Variants in PACRGL observed in about 807,000 individuals in gnomAD.
The protein encoded by PACRGL is PACRG-like protein.
Under a neutral mutation model 34.5 loss-of-function variants are expected in PACRGL, and 38 were observed. The ratio of observed to expected loss-of-function variants is 1.10; its 90% confidence interval spans 0.85 to 1.44. The LOEUF (loss-of-function observed/expected upper bound fraction) is 1.44. Among genes scored for constraint, PACRGL ranks in the 40% most tolerant of loss-of-function variants. PACRGL has a pLI of 0.00. For synonymous variants in PACRGL, 128 were observed against 100.1 expected (o/e 1.28, Z -1.66); for missense variants, 305 against 281.4 (o/e 1.08, Z -0.60).
intron 5 of PACRGL, among the ~76,000 whole-genome samples, chr4:20,711,656 TCAAA>T (rs1378355581): frequency 6.6e-6 from 1 of 152,190 alleles, no homozygotes; most frequent in African/African-American, 2.4e-5. Context: ...AGATAATTAG[TCAAA>T]CTAAAGGAGT....
intron 8 of PACRGL, among the ~76,000 whole-genome samples, chr4:20,752,055 GTTTTT>G (rs33912651): frequency 1.6e-5 from 2 of 121,676 alleles, no homozygotes; most frequent in Non-Finnish European, 3.3e-5. Context: ...ACTTCATAGA[GTTTTT>G]TTTTTTTTTT....
chr4:20,716,415 T>C (rs1740035707), intron 7 of PACRGL, among the ~76,000 whole-genome samples: 1 of 152,196 alleles, frequency 6.6e-6, no homozygotes, highest in Non-Finnish European at 1.5e-5. Context: ...TTGTTACGTA[T>C]GTATACGTGT....
At chr4:20,749,130 C>T (rs1753085042) in intron 8 of PACRGL, among the ~76,000 whole-genome samples, 2 of 148,630 alleles carry the variant, frequency 1.3e-5, no homozygotes, top group South Asian at 4.3e-4. Context: ...TGCACTCCAG[C>T]CTTTATGACA....
chr4:20,748,533 T>A (rs1752855550), intron 8 of PACRGL, among the ~76,000 whole-genome samples: 1 of 139,882 alleles, frequency 7.1e-6, no homozygotes, highest in Non-Finnish European at 1.5e-5. Flanking sequence ...CTTCCTCACT[T>A]CCAAAAATAA....
At chr4:20,732,866 A>T, downstream of PACRGL, 2 of 837,664 alleles carry the variant, frequency 2.4e-6, no homozygotes, top group Non-Finnish European at 3.8e-6. Context: ...GATTTTTCCT[A>T]CTCAATTTTA....
the PACRGL span, among the ~76,000 whole-genome samples, chr4:20,761,926 C>T: frequency 6.6e-6 from 1 of 152,094 alleles, no homozygotes; most frequent in African/African-American, 2.4e-5. Context: ...ATACTGTATG[C>T]CTATTATTCC....
In PACRGL at chr4:20,729,256, T is replaced by G; in HGVS notation, c.*1915T>G. On this transcript the variant is annotated 3_prime_UTR_variant, in exon 9 of 9. Coordinates refer to ENST00000503585, the MANE Select transcript of PACRGL (RefSeq NM_001258345.3). Reference sequence around the variant, plus strand: ...ACTGGAGGATAGATATCCTGACCCTTTGCATATGTCTGTAAACATCCTTGT... The same window carrying G: ...ACTGGAGGATAGATATCCTGACCCTGTGCATATGTCTGTAAACATCCTTGT... The G allele has an allele frequency of 6.6e-6, 1 of 151,926 alleles. No individual in the cohort carries two copies. The highest frequency in any genetic ancestry group is 2.0e-4 in the East Asian group (1 of 5,036). 9.4% of individuals were successfully genotyped at this position (151,926 alleles called of 1,614,324 possible).
chr4:20,716,269 G>T (rs1198932946), intron 7 of PACRGL: 1 of 663,972 alleles, frequency 1.5e-6, no homozygotes. Flanking sequence ...CATAGGGCAG[G>T]GTCCATGAGA....
chr4:20,748,568 A>T (rs1290047462), intron 8 of PACRGL, among the ~76,000 whole-genome samples: 10 of 15,458 alleles, frequency 6.5e-4, no homozygotes, highest in African/African-American at 2.1e-3. Context: ...TTTTATATAT[A>T]TATATATATA....
chr4:20,730,042 G>C lies in PACRGL; in HGVS notation c.*2701G>C, dbSNP rs758991826. On this transcript the variant is annotated 3_prime_UTR_variant, in exon 9 of 9. Transcript: ENST00000503585. The stretch of plus-strand genomic sequence containing the variant: ...CTCCAACTTTAAGGGTGGTAGAATA[G>C]TTCACATTTGTCTGTTGGATTCAGG... 1.2e-5 allele frequency: 19 copies of C among 1,591,278 alleles called. No homozygotes were observed. Among genetic ancestry groups the C allele is most frequent in the Non-Finnish European group, 1.6e-5 (19 of 1,171,004 alleles).
Position 20,729,475 on chromosome 4 carries a change from TTTTTAAATGTTTAATAATTTTTAAATG to T in PACRGL, c.*2138_*2164del, listed in dbSNP as rs1747257073. 1.7e-5 allele frequency: 2 copies of T among 118,448 alleles called. No individual in the cohort carries two copies. The highest frequency in any genetic ancestry group is 3.6e-5 in the Non-Finnish European group (2 of 56,168). The allele number at this position is 118,448 out of a possible 1,614,324, so 7.3% of individuals were successfully genotyped here. On this transcript the variant is annotated 3_prime_UTR_variant, in exon 9 of 9. Transcript: ENST00000503585. ...ATGCTGATATCTGATAATAAACTAA[TTTTTAAATGTTTAATAATTTTTAAATG>T]TTTAAAAATGCCAGATAAAACTAAT...
rs181993778 is a variant in PACRGL, at chr4:20,750,859, A to G, written c.*57-1706A>G. On this transcript the variant is annotated intron_variant, in intron 8 of 8. Transcript: ENST00000507634. ...TTATCTTCTGTTTTAAATCTCATCT[A>G]TTTCTATTTTATAACTTTTAACCTT... is the stretch of plus-strand genomic sequence containing the variant. Among the ~76,000 whole-genome samples, 280 of 152,040 alleles carry G rather than the reference A, an allele frequency of 1.8e-3. 1 individual carries two copies. Among genetic ancestry groups the G allele is most frequent in the Non-Finnish European group, 1.8e-3 (123 of 67,962 alleles).
At position 20,742,599 on chromosome 4, in the gene PACRGL, G is replaced by A. The variant is rs544682935; in HGVS notation, c.*57-9966G>A. Among the ~76,000 whole-genome samples the A allele has an allele frequency of 3.3e-5, 5 of 152,212 alleles. No individual in the cohort carries two copies. In the East Asian group the frequency reaches 7.7e-4, roughly 24 times the overall value. ...AAGAGCTATTTATGGCAAACCCACA[G>A]CCAATATCATACTGAATGGGCAAAA... On this transcript the variant is annotated intron_variant, in intron 8 of 8. Coordinates refer to the PACRGL transcript ENST00000507634.
Position 20,732,553 on chromosome 4 carries a change from C to T in PACRGL, c.*5212C>T. 1 of 681,886 alleles carries T rather than the reference C, an allele frequency of 1.5e-6. No individual in the cohort carries two copies. The highest frequency in any genetic ancestry group is 1.6e-5 in the South Asian group (1 of 60,924). The allele number at this position is 681,886 out of a possible 1,614,324, so 42.2% of individuals were successfully genotyped here. Reference sequence around the variant, plus strand: ...CCAAAGCTATTAAATTAATAGGATGCTAAATACTGTTTTGTTTCAGTAAAA... The same window carrying T: ...CCAAAGCTATTAAATTAATAGGATGTTAAATACTGTTTTGTTTCAGTAAAA... On this transcript the variant is annotated 3_prime_UTR_variant, in exon 9 of 9. Transcript: ENST00000503585.
chr4:20,731,426 G>C lies in PACRGL; in HGVS notation c.*4085G>C, dbSNP rs2162413. 0.22 allele frequency: 216,197 copies of C among 983,790 alleles called. 24,408 individuals carry two copies. The highest frequency in any genetic ancestry group is 0.23 in the Non-Finnish European group (192,380 of 828,572). 60.9% of individuals were successfully genotyped at this position (983,790 alleles called of 1,614,324 possible). On this transcript the variant is annotated 3_prime_UTR_variant, in exon 9 of 9. Coordinates refer to ENST00000503585, the MANE Select transcript of PACRGL (RefSeq NM_001258345.3). ...CACACATCAAGTCAAATAATTCTAA[G>C]TAAGCTAACACTGGTTTCTTTGATA...
chr4:20,753,003 TTTACATAACAAAAATAG>T (rs543010467), downstream of PACRGL: 436 of 152,320 alleles, frequency 2.9e-3, 1 homozygote, highest in African/African-American at 0.01. Context: ...ATCACATTCC[TTTACATAACAAAAATAG>T]TTACTGAGTT....
chr4:20,709,965 G>A (rs1192555355), intron 5 of PACRGL, 192 bp downstream of exon 5: 2 of 489,284 alleles, frequency 4.1e-6, no homozygotes, highest in African/African-American at 2.0e-5. Context: ...TGATTAATGA[G>A]CTTTATAAAC....
At chr4:20,742,818 G>C (rs534492756) in intron 8 of PACRGL, among the ~76,000 whole-genome samples, 1 of 152,144 alleles carries the variant, frequency 6.6e-6, no homozygotes, top group South Asian at 2.1e-4. Flanking sequence ...AGAAAACCCT[G>C]TCGTCTCAGC....
At chr4:20,747,420 T>C (rs899184997) in intron 8 of PACRGL, among the ~76,000 whole-genome samples, 3 of 152,166 alleles carry the variant, frequency 2.0e-5, no homozygotes, top group Non-Finnish European at 4.4e-5. Context: ...TAAACTTGTT[T>C]CTAAAGTGAA....
Sources: allele counts gnomAD v4.1 joint callset (sites outside exome capture counted in the v4.1 genomes callset), GRCh38; gene constraint gnomAD v4.1.1; transcripts MANE v1.5; gene names NCBI Gene and HGNC (gene_info 2026-07-23, HGNC 2026-07-21).